Variants in ANO4 observed in about 807,000 individuals in gnomAD.
ANO4 encodes the protein anoctamin-4.
In ANO4, 69 loss-of-function variants were observed where a neutral mutation model predicts 141.9. The ratio of observed to expected loss-of-function variants is 0.49; its 90% CI spans 0.40 to 0.59. The LOEUF is 0.59. Among genes scored for constraint, ANO4 ranks in the 20% least tolerant of loss-of-function variants. ANO4 has a pLI of 0.00. For synonymous variants in ANO4, 350 were observed against 394.3 expected, an observed-to-expected ratio of 0.89 and a Z score of 1.33; for missense variants, 894 against 1,162.2, an observed-to-expected ratio of 0.77 and a Z score of 3.36.
chr12:100,806,776 C>G (rs1292075735), intron 1 of ANO4, among the ~76,000 whole-genome samples: 1 of 151,598 alleles, frequency 6.6e-6, no homozygotes, highest in East Asian at 1.9e-4. Flanking sequence ...AACTGCTGAC[C>G]TCTTATCTGC....
intron 1 of ANO4, among the ~76,000 whole-genome samples, chr12:100,722,084 C>T (rs1191661952): frequency 6.6e-6 from 1 of 152,162 alleles, no homozygotes; most frequent in Non-Finnish European, 1.5e-5. Flanking sequence ...GTCAAGTGCG[C>T]AGGAGCAGTA....
intron 5 of ANO4, among the ~76,000 whole-genome samples, chr12:100,954,172 G>A (rs904049592): frequency 6.6e-6 from 1 of 152,102 alleles, no homozygotes; most frequent in African/African-American, 2.4e-5. Context: ...ATTCAGGGTT[G>A]TGCGGGAAAG....
chr12:101,070,449 G>C (rs1050230979), intron 14 of ANO4, among the ~76,000 whole-genome samples: 1 of 152,096 alleles, frequency 6.6e-6, no homozygotes, highest in Non-Finnish European at 1.5e-5. Flanking sequence ...TGCTAGGAAA[G>C]CTGGATATCC....
At chr12:100,965,282 G>T (rs961689512) in intron 5 of ANO4, among the ~76,000 whole-genome samples, 1 of 151,526 alleles carries the variant, frequency 6.6e-6, no homozygotes, top group African/African-American at 2.4e-5. Flanking sequence ...CTCCTTATTT[G>T]TTCAGTCCCA....
chr12:100,849,480 G>A (rs2037753757), intron 1 of ANO4, among the ~76,000 whole-genome samples: 1 of 152,142 alleles, frequency 6.6e-6, no homozygotes, highest in African/African-American at 2.4e-5. Flanking sequence ...AAGACGAATG[G>A]TAACATAGGC....
At chr12:100,962,779 C>G (rs889005215) in intron 5 of ANO4, among the ~76,000 whole-genome samples, 2 of 152,156 alleles carry the variant, frequency 1.3e-5, no homozygotes, top group African/African-American at 4.8e-5. Context: ...CCTCTAGGCT[C>G]TTTTTTAAGG....
In ANO4 at chr12:100,996,267, A is replaced by C. The variant is rs188733742; in HGVS notation, c.734+8597A>C. ...TGCTTTCACGCCTTTTTCTGCTTCTATGCTGTGAGCTAGGGCATAAGAAAA... is the reference window on the plus strand; with the variant it reads ...TGCTTTCACGCCTTTTTCTGCTTCTCTGCTGTGAGCTAGGGCATAAGAAAA... On this transcript the variant is annotated intron_variant, in intron 8 of 27. Transcript: ENST00000392977. 2.2e-3 allele frequency among the ~76,000 whole-genome samples: 331 copies of C among 152,336 alleles called. 3 individuals carry two copies. The highest frequency in any genetic ancestry group is 7.5e-3 in the African/African-American group (313 of 41,576).
At chr12:100,935,420 C>G (rs950386435) in intron 3 of ANO4, among the ~76,000 whole-genome samples, 1 of 152,196 alleles carries the variant, frequency 6.6e-6, no homozygotes, top group African/African-American at 2.4e-5. Flanking sequence ...GTTGAACCAG[C>G]CTTGCCTCCC....
At chr12:100,822,736 G>C (rs775249747) in intron 1 of ANO4, among the ~76,000 whole-genome samples, 14 of 152,022 alleles carry the variant, frequency 9.2e-5, no homozygotes, top group Non-Finnish European at 1.9e-4. Context: ...GGGGAAGATG[G>C]TAGAAGAAAC....
chr12:100,858,354 A>G (rs1001545330), intron 1 of ANO4, among the ~76,000 whole-genome samples: 3 of 152,150 alleles, frequency 2.0e-5, no homozygotes, highest in Admixed American at 1.3e-4. Context: ...TACAGTAAAA[A>G]TATGATATTA....
intron 14 of ANO4, among the ~76,000 whole-genome samples, chr12:101,066,223 A>G (rs2048577890): frequency 6.6e-6 from 1 of 152,246 alleles, no homozygotes; most frequent in Non-Finnish European, 1.5e-5. Flanking sequence ...GTCCGCTTTC[A>G]CCACTGTTAT....
intron 9 of ANO4, among the ~76,000 whole-genome samples, chr12:101,022,277 C>T (rs1047319067): frequency 2.0e-5 from 3 of 152,184 alleles, no homozygotes; most frequent in Non-Finnish European, 4.4e-5. Flanking sequence ...TTCCTTGAAA[C>T]ACATTCCTTC....
chr12:100,832,103 A>G (rs1490043410), intron 1 of ANO4, among the ~76,000 whole-genome samples: 1 of 152,042 alleles, frequency 6.6e-6, no homozygotes, highest in Non-Finnish European at 1.5e-5. Context: ...TTTATGCAAC[A>G]CAGCCTCCAG....
At chr12:100,891,345 T>C (rs2135990848) in intron 1 of ANO4, among the ~76,000 whole-genome samples, 1 of 152,310 alleles carries the variant, frequency 6.6e-6, no homozygotes, top group East Asian at 1.9e-4. Flanking sequence ...CCAAGGTGCA[T>C]GATTGCTGGA....
intron 8 of ANO4, among the ~76,000 whole-genome samples, chr12:101,016,187 C>T (rs988491085): frequency 2.6e-5 from 4 of 152,192 alleles, no homozygotes; most frequent in Middle Eastern, 3.4e-3. Context: ...TATAAAGAAA[C>T]GAGGTCTATT....
At chr12:101,103,211 A>C (rs1379933254) in intron 22 of ANO4, among the ~76,000 whole-genome samples, 5 of 85,992 alleles carry the variant, frequency 5.8e-5, no homozygotes, top group African/African-American at 1.4e-4. Flanking sequence ...ATATATATAT[A>C]TATATATATA....
At chr12:100,806,882 A>AT (rs561082850) in intron 1 of ANO4, among the ~76,000 whole-genome samples, 121 of 151,158 alleles carry the variant, frequency 8.0e-4, no homozygotes, top group African/African-American at 2.1e-3. Context: ...TTTCCTTATG[A>AT]TTTTTTTTAC....
chr12:101,008,815 A>T (rs2045968221), intron 8 of ANO4, among the ~76,000 whole-genome samples: 1 of 152,076 alleles, frequency 6.6e-6, no homozygotes, highest in Non-Finnish European at 1.5e-5. Flanking sequence ...ATTACTCTGG[A>T]GCCTTCTGAC....
At chr12:100,751,415 T>G (rs1449947539) in intron 3 of ANO4, among the ~76,000 whole-genome samples, 1 of 152,168 alleles carries the variant, frequency 6.6e-6, no homozygotes, top group Non-Finnish European at 1.5e-5. Flanking sequence ...TGGTTCAGTT[T>G]GTAGTTCTCT....
Sources: allele counts gnomAD v4.1 joint callset (sites outside exome capture counted in the v4.1 genomes callset), GRCh38; gene constraint gnomAD v4.1.1; transcripts MANE v1.5; gene names NCBI Gene and HGNC (gene_info 2026-07-23, HGNC 2026-07-21).